The following PCDHGB4 variants were observed in gnomAD, a reference collection of about 807,000 sequenced individuals.
The protein encoded by PCDHGB4 is protocadherin gamma-B4.
A neutral mutation model predicts 60.5 loss-of-function variants in PCDHGB4; 38 were observed. That is an observed-to-expected ratio of 0.63 (90% CI 0.48 to 0.82). PCDHGB4 has a LOEUF of 0.82. Among genes scored for constraint, PCDHGB4 ranks in the 40% least tolerant of loss-of-function variants. The pLI is 0.00. For missense variants in PCDHGB4, 1,109 were observed against 1,209.6 expected, an observed-to-expected ratio of 0.92 and a Z score of 1.23; for synonymous variants, 456 against 509.7, an observed-to-expected ratio of 0.89 and a Z score of 1.42.
intron 1 of PCDHGB4, chr5:141,415,799 C>T (rs1037967294): frequency 5.2e-6 from 7 of 1,335,782 alleles, no homozygotes; most frequent in Non-Finnish European, 6.7e-6. Context: ...CACCTAGTCT[C>T]AATCAAGGCC....
Position 141,477,514 on chromosome 5 carries a change from T to G in PCDHGB4, c.2398-17293T>G. 1 of 1,614,114 alleles carries G rather than the reference T, an allele frequency of 6.2e-7. No individual in the cohort carries two copies. Among genetic ancestry groups the G allele is most frequent in the Non-Finnish European group, 8.5e-7 (1 of 1,180,026 alleles). On this transcript the variant is annotated intron_variant, in intron 1 of 3. Coordinates refer to ENST00000519479, the MANE Select transcript of PCDHGB4 (RefSeq NM_003736.4). The surrounding 1 kb of genome is among the most constrained non-coding windows in gnomAD (Gnocchi z 4.9). Reference sequence around the variant, plus strand: ...CTCAATCTTCCTACGACGTTTACATTGAAGAAAACAACCTCCCCGGGGCTC... The same window carrying G: ...CTCAATCTTCCTACGACGTTTACATGGAAGAAAACAACCTCCCCGGGGCTC...
chr5:141,474,210 A>G (rs1054533367), intron 1 of PCDHGB4, among the ~76,000 whole-genome samples: 3 of 152,230 alleles, frequency 2.0e-5, no homozygotes, highest in Non-Finnish European at 4.4e-5. Context: ...ATTTTCAAAA[A>G]CCAGATTGTG....
chr5:141,485,625 G>A lies in PCDHGB4; in HGVS notation c.2398-9182G>A, dbSNP rs1458191111. On this transcript the variant is annotated intron_variant, in intron 1 of 3. Coordinates refer to ENST00000519479, the MANE Select transcript of PCDHGB4 (RefSeq NM_003736.4). This position sits in a 1 kb window ranked among gnomAD's most constrained non-coding sequence, Gnocchi z 5.7. ...GGGGAGGCAGCTCCTCCAGGACAGC[G>A]TTTCCCGTTGGAAAAGGCTCAGGAT... is the stretch of plus-strand genomic sequence containing the variant. The A allele has an allele frequency of 1.2e-6, 2 of 1,611,968 alleles. No homozygotes were observed. The highest frequency in any genetic ancestry group is 3.3e-5 in the Admixed American group (2 of 59,916).
chr5:141,464,707 A>G (rs1052234067), intron 1 of PCDHGB4, among the ~76,000 whole-genome samples: 13 of 152,112 alleles, frequency 8.5e-5, no homozygotes, highest in African/African-American at 3.1e-4. Flanking sequence ...ATGAGGTTAA[A>G]TAGTTTTTCA....
chr5:141,427,697 A>G (rs1306378691), intron 1 of PCDHGB4: 3 of 924,392 alleles, frequency 3.2e-6, no homozygotes, highest in South Asian at 1.4e-5. Context: ...CCATCCCACA[A>G]GTCAGCGCCT....
At chr5:141,427,599 C>G (rs1233253295) in intron 1 of PCDHGB4, 1 of 682,980 alleles carries the variant, frequency 1.5e-6, no homozygotes, top group African/African-American at 1.8e-5. Flanking sequence ...CCTCACCCTA[C>G]GCATTGGTGA....
Position 141,490,142 on chromosome 5 carries a change from C to A in PCDHGB4, c.2398-4665C>A. On this transcript the variant is annotated intron_variant, in intron 1 of 3. Coordinates refer to ENST00000519479, the MANE Select transcript of PCDHGB4 (RefSeq NM_003736.4). This position sits in a 1 kb window ranked among gnomAD's most constrained non-coding sequence, Gnocchi z 5.4. The stretch of plus-strand genomic sequence containing the variant: ...TTTGGCCTAGACCCTAGCAGTGGGG[C>A]AATCCATGTGTTGGGTCCCATAGAC... The A allele has an allele frequency of 1.9e-6, 3 of 1,614,220 alleles. No individual in the cohort carries two copies. The highest frequency in any genetic ancestry group is 2.7e-5 in the African/African-American group (2 of 75,060).
intron 3 of PCDHGB4, 86 bp downstream of exon 3, chr5:141,505,567 T>C: frequency 6.3e-7 from 1 of 1,599,440 alleles, no homozygotes; most frequent in South Asian, 1.1e-5. Flanking sequence ...ACGGACTGGA[T>C]GTCAAACCTG....
chr5:141,408,344 G>A, intron 1 of PCDHGB4: 1 of 1,613,958 alleles, frequency 6.2e-7, no homozygotes, highest in East Asian at 2.2e-5. Flanking sequence ...CTCGGTGGTG[G>A]GGAACCTCGC....
Position 141,486,747 on chromosome 5 carries a change from A to G in PCDHGB4, c.2398-8060A>G, listed in dbSNP as rs750666508. The G allele has an allele frequency of 3.1e-6, 5 of 1,614,210 alleles. No homozygotes were observed. The highest frequency in any genetic ancestry group is 4.2e-6 in the Non-Finnish European group (5 of 1,180,034). On this transcript the variant is annotated intron_variant, in intron 1 of 3. Transcript: ENST00000519479. This position sits in a 1 kb window ranked among gnomAD's most constrained non-coding sequence, Gnocchi z 5.0. Reference sequence around the variant, plus strand: ...GTTCATGCTACTCGATCCTTTGACTATGAGCAAACCCAGACACTGCAGTTT... The same window carrying G: ...GTTCATGCTACTCGATCCTTTGACTGTGAGCAAACCCAGACACTGCAGTTT...
intron 1 of PCDHGB4, among the ~76,000 whole-genome samples, chr5:141,454,032 C>T (rs2098780173): frequency 6.6e-6 from 1 of 152,126 alleles, no homozygotes; most frequent in Non-Finnish European, 1.5e-5. Flanking sequence ...AAGAATTGGC[C>T]AGCAAAGATA....
Position 141,490,644 on chromosome 5 carries a change from T to G in PCDHGB4, c.2398-4163T>G, listed in dbSNP as rs772742713. 1 of 1,614,188 alleles carries G rather than the reference T, an allele frequency of 6.2e-7. No individual in the cohort carries two copies. Among genetic ancestry groups the G allele is most frequent in the Non-Finnish European group, 8.5e-7 (1 of 1,180,016 alleles). The stretch of plus-strand genomic sequence containing the variant: ...CTGCTTACATCCTAGAAAACCGGCC[T>G]CCGGGCTCCCTTCTTTGCACTGTGG... On this transcript the variant is annotated intron_variant, in intron 1 of 3. Transcript: ENST00000519479. The surrounding 1 kb of genome is among the most constrained non-coding windows in gnomAD (Gnocchi z 5.4).
intron 1 of PCDHGB4, chr5:141,424,504 G>GT (rs892941709): frequency 6.6e-6 from 1 of 152,016 alleles, no homozygotes; most frequent in African/African-American, 2.4e-5. Context: ...TGTATGGAAG[G>GT]TTTTTTAATG....
intron 1 of PCDHGB4, chr5:141,468,629 G>A (rs1170355107): frequency 1.3e-5 from 2 of 152,140 alleles, no homozygotes; most frequent in African/African-American, 4.8e-5. Flanking sequence ...CACTTTGGGA[G>A]GCCGAGGTGG....
chr5:141,431,003 G>T lies in PCDHGB4; in HGVS notation c.2397+40722G>T, dbSNP rs2097334899. ...GCTTTTCGCCCTGAATCCGCGCAGC[G>T]GCAGCTTGGTCACGGCGGGCAGGAT... On this transcript the variant is annotated intron_variant, in intron 1 of 3. Coordinates refer to ENST00000519479, the MANE Select transcript of PCDHGB4 (RefSeq NM_003736.4). This position sits in a 1 kb window ranked among gnomAD's most constrained non-coding sequence, Gnocchi z 4.8. 1.9e-6 allele frequency: 3 copies of T among 1,613,960 alleles called. No homozygotes were observed. The highest frequency in any genetic ancestry group is 2.5e-6 in the Non-Finnish European group (3 of 1,179,982).
intron 1 of PCDHGB4, chr5:141,408,845 T>C (rs560368079): frequency 1.9e-6 from 3 of 1,613,670 alleles, no homozygotes; most frequent in Non-Finnish European, 8.5e-7. Flanking sequence ...ATTGACTGCC[T>C]TGGACGGAGG....
intron 1 of PCDHGB4, chr5:141,421,450 C>A (rs1193440607): frequency 2.5e-6 from 4 of 1,614,126 alleles, no homozygotes; most frequent in Non-Finnish European, 3.4e-6. Flanking sequence ...GAAGACACAG[C>A]TTTTCGCTGT....
In PCDHGB4 at chr5:141,487,765, GC is replaced by G. The variant is rs2099665397; in HGVS notation, c.2398-7041del. The G allele has an allele frequency of 6.5e-7, 1 of 1,541,774 alleles. No individual in the cohort carries two copies. Among genetic ancestry groups the G allele is most frequent in the South Asian group, 1.2e-5 (1 of 83,146 alleles). On this transcript the variant is annotated intron_variant, in intron 1 of 3. Transcript: ENST00000519479. This position sits in a 1 kb window ranked among gnomAD's most constrained non-coding sequence, Gnocchi z 5.0. ...GAGGTAACTATGTGGTAGACGCTGT[GC>G]TTTGTAACTGTTTCGTGAATTAACC...
rs532490777 is a variant in PCDHGB4, at chr5:141,487,782, T to C, written c.2398-7025T>C. 7.2e-6 allele frequency: 11 copies of C among 1,525,744 alleles called. No homozygotes were observed. The South Asian group carries it at 1.2e-4, about 17-fold the overall frequency. The allele number at this position is 1,525,744 out of a possible 1,614,324, so 94.5% of individuals were successfully genotyped here. ...GACGCTGTGCTTTGTAACTGTTTCGTGAATTAACCAGAGTTGTCACAGTTT... is the reference window on the plus strand; with the variant it reads ...GACGCTGTGCTTTGTAACTGTTTCGCGAATTAACCAGAGTTGTCACAGTTT... On this transcript the variant is annotated intron_variant, in intron 1 of 3. Coordinates refer to ENST00000519479, the MANE Select transcript of PCDHGB4 (RefSeq NM_003736.4). This position sits in a 1 kb window ranked among gnomAD's most constrained non-coding sequence, Gnocchi z 5.0.
Sources: allele counts gnomAD v4.1 joint callset (sites outside exome capture counted in the v4.1 genomes callset), GRCh38; gene constraint gnomAD v4.1.1; non-coding constraint Gnocchi (gnomAD v3.1); transcripts MANE v1.5; gene names NCBI Gene and HGNC (gene_info 2026-07-23, HGNC 2026-07-21).